ZCCHC24: variants seen among roughly 807,000 people sequenced by gnomAD.
ZCCHC24 encodes the protein zinc finger CCHC domain-containing protein 24.
A neutral mutation model predicts 26.2 loss-of-function variants in ZCCHC24; 10 were observed. The observed-to-expected ratio is 0.38, with a 90% CI of 0.24 to 0.65. The LOEUF is 0.65. Among genes scored for constraint, ZCCHC24 ranks in the 30% least tolerant of loss-of-function variants. The probability of loss-of-function intolerance (pLI) is 0.54; values close to 1 mark genes in which losing one functional copy is unlikely to be tolerated. For missense variants in ZCCHC24, 243 were observed against 329.1 expected, an observed-to-expected ratio of 0.74 and a Z score of 2.03; for synonymous variants, 144 against 147.1, an observed-to-expected ratio of 0.98 and a Z score of 0.15.
At chr10:79,444,652 G>T (rs1308244693) in intron 1 of ZCCHC24, among the ~76,000 whole-genome samples, 1 of 152,218 alleles carries the variant, frequency 6.6e-6, no homozygotes, top group Non-Finnish European at 1.5e-5. Flanking sequence ...AGTGAGAACA[G>T]CAGGAGAAGC....
chr10:79,404,154 C>G (rs1472767299), intron 2 of ZCCHC24, among the ~76,000 whole-genome samples: 4 of 152,172 alleles, frequency 2.6e-5, no homozygotes, highest in African/African-American at 9.7e-5. Flanking sequence ...AGGAGCCCCT[C>G]CAGGACCCAG....
intron 2 of ZCCHC24, among the ~76,000 whole-genome samples, chr10:79,406,370 A>G (rs1470635163): frequency 6.6e-6 from 1 of 152,172 alleles, no homozygotes; most frequent in Admixed American, 6.5e-5. Context: ...GGAGCTCTGC[A>G]GAGGAAGAGC....
At chr10:79,401,424 T>G (rs892408205) in intron 2 of ZCCHC24, among the ~76,000 whole-genome samples, 2 of 152,222 alleles carry the variant, frequency 1.3e-5, no homozygotes, top group Non-Finnish European at 2.9e-5. Context: ...CGCTGACGCA[T>G]GTAGAGGTTA....
At chr10:79,421,516 A>G (rs1856937065) in intron 2 of ZCCHC24, among the ~76,000 whole-genome samples, 1 of 145,300 alleles carries the variant, frequency 6.9e-6, no homozygotes, top group Admixed American at 7.4e-5. Context: ...CTAATGAGTA[A>G]TGGGTGGCAG....
intron 3 of ZCCHC24, among the ~76,000 whole-genome samples, chr10:79,391,817 C>G (rs1336866096): frequency 1.3e-5 from 2 of 151,486 alleles, no homozygotes; most frequent in Non-Finnish European, 1.5e-5. Flanking sequence ...CCCCTCCTGC[C>G]TCCTCTGTCT....
At chr10:79,433,229 C>T in intron 1 of ZCCHC24, among the ~76,000 whole-genome samples, 1 of 152,202 alleles carries the variant, frequency 6.6e-6, no homozygotes, top group Admixed American at 6.5e-5. Context: ...CTCAGTTTCC[C>T]CACCTTGTAA....
At chr10:79,391,872 A>C (rs1856484514) in intron 3 of ZCCHC24, among the ~76,000 whole-genome samples, 2 of 147,982 alleles carry the variant, frequency 1.4e-5, no homozygotes, top group African/African-American at 5.0e-5. Flanking sequence ...GGCCCATCCC[A>C]CCCCTGGCTC....
chr10:79,404,333 T>G lies in ZCCHC24; in HGVS notation c.448-9893A>C, dbSNP rs377046329. 4.2e-4 allele frequency among the ~76,000 whole-genome samples: 64 copies of G among 152,262 alleles called. 1 individual carries two copies. The East Asian group carries it at 0.011, about 27-fold the overall frequency. On this transcript the variant is annotated intron_variant, in intron 2 of 3. Coordinates refer to ENST00000372336, the MANE Select transcript of ZCCHC24 (RefSeq NM_153367.4). ...GGAAAGCAAAGACATTTTAATCACA[T>G]GAACAGCCACTCCCTAAGTTATCTG... is the stretch of plus-strand genomic sequence containing the variant.
At chr10:79,404,014 G>A (rs1322013599) in intron 2 of ZCCHC24, among the ~76,000 whole-genome samples, 1 of 152,008 alleles carries the variant, frequency 6.6e-6, no homozygotes, top group African/African-American at 2.4e-5. Flanking sequence ...GGGAGTGAGA[G>A]AGCGCCCGTC....
rs925798013 is a variant in ZCCHC24, at chr10:79,384,722, A to G, written c.*1623T>C. 1.3e-5 allele frequency: 2 copies of G among 152,736 alleles called. No homozygotes were observed. The highest frequency in any genetic ancestry group is 4.8e-5 in the African/African-American group (2 of 41,456). 9.5% of individuals were successfully genotyped at this position (152,736 alleles called of 1,614,324 possible). Reference sequence around the variant, plus strand: ...TTCACTGTAACTCCTCAGTTGTACAAAGCATTTTCATTTGAATACAAAAGG... The same window carrying G: ...TTCACTGTAACTCCTCAGTTGTACAGAGCATTTTCATTTGAATACAAAAGG... On this transcript the variant is annotated 3_prime_UTR_variant, in exon 4 of 4. Transcript: ENST00000372336.
At chr10:79,434,067 T>C (rs1202435596) in intron 1 of ZCCHC24, among the ~76,000 whole-genome samples, 1 of 152,174 alleles carries the variant, frequency 6.6e-6, no homozygotes, top group Non-Finnish European at 1.5e-5. Flanking sequence ...CCACTGATGT[T>C]CTTGGTGCCT....
Position 79,400,867 on chromosome 10 carries a change from T to C in ZCCHC24, c.448-6427A>G, listed in dbSNP as rs186450482. ...CCCTGGGTCCCTTCTGCTCCTTCCA[T>C]TTTAAGGGAAGCCAGACATGTCCAC... On this transcript the variant is annotated intron_variant, in intron 2 of 3. Transcript: ENST00000372336. Among the ~76,000 whole-genome samples the C allele has an allele frequency of 4.2e-4, 64 of 152,362 alleles. 1 individual carries two copies. Among genetic ancestry groups the C allele is most frequent in the South Asian group, 1.2e-3 (6 of 4,828 alleles).
chr10:79,423,062 A>G (rs1215956514), intron 2 of ZCCHC24, among the ~76,000 whole-genome samples: 1 of 152,160 alleles, frequency 6.6e-6, no homozygotes, highest in Non-Finnish European at 1.5e-5. Flanking sequence ...TACTGTGGGC[A>G]TGTGGACCCT....
At chr10:79,416,349 G>A (rs1358004665) in intron 2 of ZCCHC24, among the ~76,000 whole-genome samples, 2 of 152,190 alleles carry the variant, frequency 1.3e-5, no homozygotes, top group African/African-American at 4.8e-5. Context: ...AGAACCAAAC[G>A]CGTTGGTAAT....
At chr10:79,412,380 G>A (rs1482429112) in intron 2 of ZCCHC24, among the ~76,000 whole-genome samples, 2 of 152,236 alleles carry the variant, frequency 1.3e-5, no homozygotes, top group African/African-American at 4.8e-5. Flanking sequence ...GTGCATCGGT[G>A]AGGGGCGGAC....
At chr10:79,444,181 A>T in intron 1 of ZCCHC24, 2 of 1,534,004 alleles carry the variant, frequency 1.3e-6, no homozygotes, top group Non-Finnish European at 1.8e-6. Flanking sequence ...TTGCAGAGAA[A>T]ACCCCCACAA....
At position 79,421,926 on chromosome 10, in the gene ZCCHC24, G is replaced by A. The variant is rs1301137027; in HGVS notation, c.447+10632C>T. Reference sequence around the variant, plus strand: ...TTACAGGCATGAGCCACCGCACCCAGCCTTCTATACATTTTTTTATGACAG... The same window carrying A: ...TTACAGGCATGAGCCACCGCACCCAACCTTCTATACATTTTTTTATGACAG... On this transcript the variant is annotated intron_variant, in intron 2 of 3. Transcript: ENST00000372336. 5.3e-5 allele frequency among the ~76,000 whole-genome samples: 8 copies of A among 152,294 alleles called. No individual in the cohort carries two copies. The East Asian group carries it at 1.5e-3, about 29-fold the overall frequency.
chr10:79,440,957 GTCC>G (rs1857284555), intron 1 of ZCCHC24, among the ~76,000 whole-genome samples: 1 of 152,068 alleles, frequency 6.6e-6, no homozygotes, highest in Non-Finnish European at 1.5e-5. Flanking sequence ...TCAAATGACG[GTCC>G]TCCTTGCCTG....
At chr10:79,411,241 C>T (rs142668466) in intron 2 of ZCCHC24, among the ~76,000 whole-genome samples, 40 of 152,282 alleles carry the variant, frequency 2.6e-4, no homozygotes, top group African/African-American at 9.1e-4. Flanking sequence ...AAAATCACCT[C>T]GGGGCTGGTA....
Sources: allele counts gnomAD v4.1 joint callset (sites outside exome capture counted in the v4.1 genomes callset), GRCh38; gene constraint gnomAD v4.1.1; transcripts MANE v1.5; gene names NCBI Gene and HGNC (gene_info 2026-07-23, HGNC 2026-07-21).